FMN1: variants seen among roughly 807,000 people sequenced by gnomAD.
FMN1 encodes formin-1.
FMN1 carries 110 observed loss-of-function variants against 132.4 expected under a neutral mutation model. The ratio of observed to expected loss-of-function variants is 0.83; its 90% CI spans 0.71 to 0.97. The LOEUF (loss-of-function observed/expected upper bound fraction) is 0.97. Among genes scored for constraint, FMN1 ranks in the 50% least tolerant of loss-of-function variants. The pLI, the probability that FMN1 is intolerant of heterozygous loss-of-function variation, is 0.00. For missense variants in FMN1, 1,792 were observed against 1,705.3 expected (o/e 1.05, Z -0.90); for synonymous variants, 722 against 651.7 (o/e 1.11, Z -1.64).
chr15:33,045,807 G>T (rs1404409241), intron 6 of FMN1, among the ~76,000 whole-genome samples: 1 of 151,942 alleles, frequency 6.6e-6, no homozygotes, highest in Non-Finnish European at 1.5e-5. Context: ...TTCATTTTTC[G>T]TGCACATGTA....
intron 4 of FMN1, among the ~76,000 whole-genome samples, chr15:33,098,462 T>C (rs556518772): frequency 1.3e-5 from 2 of 152,284 alleles, no homozygotes; most frequent in African/African-American, 4.8e-5. Flanking sequence ...TACAACATTA[T>C]TCTGAGAGAA....
At chr15:32,970,862 G>A (rs971874406) in intron 7 of FMN1, 3 of 152,002 alleles carry the variant, frequency 2.0e-5, no homozygotes, top group Non-Finnish European at 2.9e-5. Flanking sequence ...ATTCTCAAGA[G>A]CAAACCCCTA....
chr15:32,951,361 A>T (rs2061648492), intron 9 of FMN1, among the ~76,000 whole-genome samples: 1 of 152,066 alleles, frequency 6.6e-6, no homozygotes, highest in Non-Finnish European at 1.5e-5. Flanking sequence ...ACACTGAAGG[A>T]ATTCATCTCT....
chr15:32,853,429 A>G (rs896743786), intron 17 of FMN1, among the ~76,000 whole-genome samples: 29 of 152,216 alleles, frequency 1.9e-4, no homozygotes, highest in African/African-American at 7.0e-4. Context: ...AGTACATGTA[A>G]TAATGGTATT....
Position 33,124,735 on chromosome 15 carries a change from C to A in FMN1, c.1867+28313G>T, listed in dbSNP as rs534200143. 3.3e-5 allele frequency among the ~76,000 whole-genome samples: 5 copies of A among 152,212 alleles called. No homozygotes were observed. The South Asian group carries it at 8.3e-4, about 25-fold the overall frequency. On this transcript the variant is annotated intron_variant, in intron 4 of 20. Coordinates refer to ENST00000616417, the MANE Select transcript of FMN1 (RefSeq NM_001277313.2). The stretch of plus-strand genomic sequence containing the variant: ...CTGGAAGGAGAGGGAGGAAATCTCA[C>A]AAATCAGACACTAAATAGCACTCCT...
At chr15:33,141,541 A>G (rs1964010308) in intron 4 of FMN1, among the ~76,000 whole-genome samples, 1 of 152,196 alleles carries the variant, frequency 6.6e-6, no homozygotes, top group Non-Finnish European at 1.5e-5. Flanking sequence ...AGCAATACCT[A>G]TGGGAAAGTG....
chr15:33,063,763 A>G (rs2037591416), intron 6 of FMN1: 1 of 152,318 alleles, frequency 6.6e-6, no homozygotes, highest in Middle Eastern at 3.4e-3. Flanking sequence ...TCTATGCTTC[A>G]ATTACCTAGA....
At chr15:32,876,405 C>T (rs1447790618) in intron 16 of FMN1, among the ~76,000 whole-genome samples, 1 of 152,144 alleles carries the variant, frequency 6.6e-6, no homozygotes, top group Non-Finnish European at 1.5e-5. Flanking sequence ...GGATTAGGTC[C>T]TGGAACAGAA....
At chr15:32,784,397 T>C (rs930677703) in intron 19 of FMN1, among the ~76,000 whole-genome samples, 1 of 144,384 alleles carries the variant, frequency 6.9e-6, no homozygotes, top group Non-Finnish European at 1.5e-5. Flanking sequence ...ACAGAACTTT[T>C]TGAAGCTCCT....
At chr15:32,878,070 GAC>G (rs978692922) in intron 16 of FMN1, among the ~76,000 whole-genome samples, 1 of 152,182 alleles carries the variant, frequency 6.6e-6, no homozygotes, top group African/African-American at 2.4e-5. Flanking sequence ...GGCTGTAATA[GAC>G]AGTGCCTATT....
chr15:33,071,774 C>A (rs2038008672), intron 5 of FMN1, among the ~76,000 whole-genome samples: 1 of 152,200 alleles, frequency 6.6e-6, no homozygotes, highest in African/African-American at 2.4e-5. Context: ...GCTGGTCACT[C>A]AGGGAATGAG....
intron 15 of FMN1, among the ~76,000 whole-genome samples, chr15:32,894,350 G>C (rs1011127867): frequency 3.3e-5 from 5 of 152,018 alleles, no homozygotes; most frequent in African/African-American, 9.7e-5. Flanking sequence ...TAGGTGTGGT[G>C]GTGCACACCT....
At chr15:32,794,565 A>G (rs1257240001) in intron 19 of FMN1, among the ~76,000 whole-genome samples, 3 of 148,500 alleles carry the variant, frequency 2.0e-5, no homozygotes, top group Non-Finnish European at 4.5e-5. Flanking sequence ...ATAATTCAGC[A>G]GCCAAAAAAA....
chr15:32,997,219 G>A (rs909144907), intron 7 of FMN1, among the ~76,000 whole-genome samples: 1 of 152,018 alleles, frequency 6.6e-6, no homozygotes, highest in Non-Finnish European at 1.5e-5. Flanking sequence ...CCTTTCTTCC[G>A]TACCTCAGTA....
At chr15:32,988,348 A>T (rs910554367) in intron 7 of FMN1, among the ~76,000 whole-genome samples, 3 of 152,188 alleles carry the variant, frequency 2.0e-5, no homozygotes, top group African/African-American at 7.2e-5. Flanking sequence ...GAAATTGAGC[A>T]AAGTATTTGA....
intron 6 of FMN1, among the ~76,000 whole-genome samples, chr15:33,061,893 AAG>A (rs1358206968): frequency 4.6e-5 from 7 of 152,032 alleles, no homozygotes; most frequent in Non-Finnish European, 1.0e-4. Flanking sequence ...GAGTGACAGA[AAG>A]AGAGAAAAAA....
intron 9 of FMN1, among the ~76,000 whole-genome samples, chr15:32,934,960 T>C (rs1306387492): frequency 1.3e-5 from 2 of 150,958 alleles, no homozygotes; most frequent in African/African-American, 2.4e-5. Context: ...TCTTGCTCTG[T>C]CGCCCAGACA....
chr15:33,191,467 A>G (rs1467178556), intron 2 of FMN1, among the ~76,000 whole-genome samples: 1 of 152,196 alleles, frequency 6.6e-6, no homozygotes, highest in Non-Finnish European at 1.5e-5. Flanking sequence ...TGGGGAGGTA[A>G]GGATGTCCAC....
At chr15:33,017,668 CAAAAATAT>C (rs1308316786) in intron 6 of FMN1, among the ~76,000 whole-genome samples, 1 of 152,052 alleles carries the variant, frequency 6.6e-6, no homozygotes, top group Non-Finnish European at 1.5e-5. Flanking sequence ...TTTCTTTAGG[CAAAAATAT>C]AAAAATGTCA....
Sources: allele counts gnomAD v4.1 joint callset (sites outside exome capture counted in the v4.1 genomes callset), GRCh38; gene constraint gnomAD v4.1.1; transcripts MANE v1.5; gene names NCBI Gene and HGNC (gene_info 2026-07-23, HGNC 2026-07-21).